ELAPOR1: variants seen among roughly 807,000 people sequenced by gnomAD.
The protein encoded by ELAPOR1 is endosome-lysosome associated apoptosis and autophagy regulator 1.
A neutral mutation model predicts 119.7 loss-of-function variants in ELAPOR1; 77 were observed. That is an observed-to-expected ratio of 0.64 (90% CI 0.54 to 0.78). ELAPOR1 has a LOEUF of 0.78. ELAPOR1 is among the 30% of genes least tolerant of loss of function. The pLI is 0.00. For missense variants in ELAPOR1, 1,115 were observed against 1,270.4 expected (o/e 0.88, Z 1.86); for synonymous variants, 481 against 487.2 (o/e 0.99, Z 0.17).
chr1:109,177,176 G>A (rs1652355918), intron 7 of ELAPOR1, among the ~76,000 whole-genome samples: 2 of 149,846 alleles, frequency 1.3e-5, no homozygotes, highest in Middle Eastern at 3.2e-3. Context: ...TTCCCAGTAG[G>A]GGCGGCCGGG....
At chr1:109,156,324 G>A (rs1650871657) in intron 1 of ELAPOR1, among the ~76,000 whole-genome samples, 1 of 151,938 alleles carries the variant, frequency 6.6e-6, no homozygotes, top group Non-Finnish European at 1.5e-5. Context: ...TAAAATTGTG[G>A]TAAAATACAC....
intron 7 of ELAPOR1, among the ~76,000 whole-genome samples, chr1:109,176,096 A>AG (rs1448013979): frequency 2.0e-5 from 3 of 152,264 alleles, no homozygotes; most frequent in African/African-American, 7.2e-5. Flanking sequence ...CACTGCTCTG[A>AG]GGGAAAGTAA....
chr1:109,147,778 C>A (rs1034025735), intron 1 of ELAPOR1, among the ~76,000 whole-genome samples: 1 of 151,388 alleles, frequency 6.6e-6, no homozygotes. Flanking sequence ...AAAAAAAAGT[C>A]TATTATTTTA....
intron 1 of ELAPOR1, among the ~76,000 whole-genome samples, chr1:109,121,634 G>C (rs1648425352): frequency 6.6e-6 from 1 of 152,146 alleles, no homozygotes; most frequent in South Asian, 2.1e-4. Context: ...TGCTGCCTTA[G>C]ACACTGGAGG....
intron 1 of ELAPOR1, among the ~76,000 whole-genome samples, chr1:109,142,288 T>TTA (rs1274834964): frequency 3.3e-5 from 5 of 152,102 alleles, no homozygotes; most frequent in Admixed American, 2.0e-4. Context: ...CTAGAAGACG[T>TTA]ATAGGTAGAA....
At chr1:109,168,339 C>G (rs1651717103) in intron 3 of ELAPOR1, among the ~76,000 whole-genome samples, 1 of 152,202 alleles carries the variant, frequency 6.6e-6, no homozygotes, top group Non-Finnish European at 1.5e-5. Flanking sequence ...GTCTCCTCAA[C>G]TAGAAAGAGA....
At chr1:109,159,982 A>T (rs912103283) in intron 1 of ELAPOR1, among the ~76,000 whole-genome samples, 3 of 152,192 alleles carry the variant, frequency 2.0e-5, no homozygotes, top group African/African-American at 7.2e-5. Flanking sequence ...TCATATATGT[A>T]TAGTTGCCCT....
At chr1:109,168,648 C>T (rs923303422) in intron 3 of ELAPOR1, among the ~76,000 whole-genome samples, 1 of 152,054 alleles carries the variant, frequency 6.6e-6, no homozygotes, top group Non-Finnish European at 1.5e-5. Flanking sequence ...ATCAAGCAGA[C>T]GCCCAAAGAC....
rs2101096860 is a variant in ELAPOR1, at chr1:109,185,843, C to T, written c.1041+710C>T. ...AAGCGACCAGGACTTGGGGTGGGGG[C>T]AGCAGAGAAAGCCTCTCAGAGGAGG... is the stretch of plus-strand genomic sequence containing the variant. On this transcript the variant is annotated intron_variant, in intron 8 of 21. Transcript: ENST00000369939. Among the ~76,000 whole-genome samples, 3 of 152,252 alleles carry T rather than the reference C, an allele frequency of 2.0e-5. No individual in the cohort carries two copies. The Middle Eastern group carries it at 0.01, about 518-fold the overall frequency.
At chr1:109,173,970 C>A in intron 7 of ELAPOR1, 133 bp downstream of exon 7, 1 of 939,172 alleles carries the variant, frequency 1.1e-6, no homozygotes. Flanking sequence ...CTTTCTGGAT[C>A]CTGGAATACC....
In ELAPOR1 at chr1:109,183,549, T is replaced by TTTCC. The variant is rs1187192136; in HGVS notation, c.953-1439_953-1436dup. Reference sequence around the variant, plus strand: ...GTTCACGTTTTTCTTCTTTCTTTCTTTTCCTTCCTTCCTTCCTTCCTTCCT... The same window carrying TTTCC: ...GTTCACGTTTTTCTTCTTTCTTTCTTTTCCTTCCTTCCTTCCTTCCTTCCTTCCT... On this transcript the variant is annotated intron_variant, in intron 7 of 21. Transcript: ENST00000369939. Among the ~76,000 whole-genome samples, 158 of 81,168 alleles carry TTTCC rather than the reference T, an allele frequency of 1.9e-3. 2 individuals are homozygous for TTTCC. Among genetic ancestry groups the TTTCC allele is most frequent in the African/African-American group, 6.6e-3 (150 of 22,680 alleles). 53.2% of individuals were successfully genotyped at this position (81,168 alleles called of 152,430 possible).
intron 1 of ELAPOR1, among the ~76,000 whole-genome samples, chr1:109,157,352 C>T (rs1011213337): frequency 6.6e-6 from 1 of 152,082 alleles, no homozygotes; most frequent in East Asian, 1.9e-4. Context: ...AATAATTTAC[C>T]ATTGAATTGT....
intron 1 of ELAPOR1, among the ~76,000 whole-genome samples, chr1:109,149,402 A>C (rs1650389490): frequency 6.6e-6 from 1 of 152,036 alleles, no homozygotes; most frequent in Non-Finnish European, 1.5e-5. Flanking sequence ...GGGGAGAGCT[A>C]CTGAACTATT....
intron 3 of ELAPOR1, among the ~76,000 whole-genome samples, chr1:109,169,354 C>T (rs1445726715): frequency 6.6e-6 from 1 of 152,174 alleles, no homozygotes; most frequent in Non-Finnish European, 1.5e-5. Flanking sequence ...ATTCTCCTGC[C>T]TCAGCCTCCT....
In ELAPOR1 at chr1:109,200,977, C is replaced by T; in HGVS notation, c.2973+77C>T. ...ACTGCTCCTCAGACACTGAATGGTC[C>T]TGTACCGTTCAGGGATGGGCACCCT... On this transcript the variant is annotated intron_variant, in intron 21 of 21. Coordinates refer to ENST00000369939, the MANE Select transcript of ELAPOR1 (RefSeq NM_020775.5). 3 of 1,429,362 alleles carry T rather than the reference C, an allele frequency of 2.1e-6. No homozygotes were observed. The South Asian group carries it at 4.0e-5, about 19-fold the overall frequency. 88.5% of individuals were successfully genotyped at this position (1,429,362 alleles called of 1,614,324 possible). A position where few individuals can be genotyped will look rare whatever the true frequency, so the allele number is the denominator to read the frequency against.
At chr1:109,163,335 G>A (rs1332499298) in intron 2 of ELAPOR1, among the ~76,000 whole-genome samples, 1 of 152,150 alleles carries the variant, frequency 6.6e-6, no homozygotes, top group African/African-American at 2.4e-5. Flanking sequence ...CATAATTCTA[G>A]AACCAAAAGG....
At chr1:109,197,688 A>AGAGAGAGTGAGT (rs113482805) in intron 16 of ELAPOR1, 34 bp downstream of exon 16, 20 of 1,366,716 alleles carry the variant, frequency 1.5e-5, no homozygotes, top group Non-Finnish European at 1.8e-5. Flanking sequence ...CTTGTTTGAG[A>AGAGAGAGTGAGT]GTGTGTGTGT....
intron 1 of ELAPOR1, among the ~76,000 whole-genome samples, chr1:109,115,225 G>C (rs1647910395): frequency 6.6e-6 from 1 of 152,102 alleles, no homozygotes; most frequent in Admixed American, 6.6e-5. Context: ...GTTGTGCTCT[G>C]AGCAACTTTT....
chr1:109,155,684 T>C (rs1389201898), intron 1 of ELAPOR1, among the ~76,000 whole-genome samples: 2 of 152,222 alleles, frequency 1.3e-5, no homozygotes, highest in Non-Finnish European at 2.9e-5. Context: ...TTTGCACAAC[T>C]GCAATGCAAT....
Sources: gnomAD v4.1 joint callset for allele counts (sites outside exome capture counted in the v4.1 genomes callset) on GRCh38, gnomAD v4.1.1 for gene constraint, MANE v1.5 for transcripts, NCBI Gene and HGNC (gene_info 2026-07-23, HGNC 2026-07-21) for gene names.